PDE8B: variants seen among roughly 807,000 people sequenced by gnomAD.
PDE8B encodes the protein high affinity cAMP-specific and IBMX-insensitive 3',5'-cyclic phosphodiesterase 8B.
PDE8B carries 26 observed loss-of-function variants against 101.3 expected under a neutral mutation model. The observed-to-expected ratio is 0.26, with a 90% CI of 0.19 to 0.36. The LOEUF (loss-of-function observed/expected upper bound fraction) is 0.36, where lower values mean the gene tolerates loss of function less well. Ranked by LOEUF, PDE8B falls within the 10% of genes least tolerant of loss-of-function variation. The probability of loss-of-function intolerance (pLI) is 1.00; values close to 1 mark genes in which losing one functional copy is unlikely to be tolerated. For missense variants in PDE8B, 810 were observed against 1,163.1 expected, an observed-to-expected ratio of 0.70 and a Z score of 4.42; for synonymous variants, 424 against 429.3, an observed-to-expected ratio of 0.99 and a Z score of 0.15.
At chr5:77,343,024 G>A (rs1779494515) in intron 6 of PDE8B, among the ~76,000 whole-genome samples, 1 of 152,224 alleles carries the variant, frequency 6.6e-6, no homozygotes, top group Admixed American at 6.5e-5. Context: ...TGAAACAGAA[G>A]AACGTCATTG....
chr5:77,292,013 C>A (rs1244934450), intron 1 of PDE8B, among the ~76,000 whole-genome samples: 4 of 149,932 alleles, frequency 2.7e-5, no homozygotes, highest in East Asian at 2.0e-4. Flanking sequence ...AAAAAAAAAA[C>A]CATTTACCAC....
At chr5:77,338,668 G>A (rs953699285) in intron 6 of PDE8B, among the ~76,000 whole-genome samples, 4 of 152,020 alleles carry the variant, frequency 2.6e-5, no homozygotes, top group Admixed American at 6.6e-5. Context: ...TAGATTAATT[G>A]TTATTATTCC....
chr5:77,220,234 G>A (rs1413246964), intron 1 of PDE8B, among the ~76,000 whole-genome samples: 1 of 152,146 alleles, frequency 6.6e-6, no homozygotes, highest in Non-Finnish European at 1.5e-5. Context: ...GCAGTGATCT[G>A]GCCCATTAGG....
At chr5:77,381,404 C>A (rs893513931) in intron 10 of PDE8B, among the ~76,000 whole-genome samples, 1 of 152,090 alleles carries the variant, frequency 6.6e-6, no homozygotes, top group African/African-American at 2.4e-5. Flanking sequence ...ACTGATATAT[C>A]TGGTGATTTA....
chr5:77,224,799 ATTTG>A (rs1181445458), intron 1 of PDE8B, among the ~76,000 whole-genome samples: 1 of 151,856 alleles, frequency 6.6e-6, no homozygotes, highest in Non-Finnish European at 1.5e-5. Flanking sequence ...TTCTCTTACA[ATTTG>A]TTTGTTGAAG....
Position 77,398,318 on chromosome 5 carries a change from C to CT in PDE8B, c.1168-1909dup, listed in dbSNP as rs70988672. Among the ~76,000 whole-genome samples the CT allele has an allele frequency of 6.1e-3, 712 of 115,958 alleles. 8 individuals carry two copies. Among genetic ancestry groups the CT allele is most frequent in the Admixed American group, 0.023 (242 of 10,550 alleles). 76.1% of individuals were successfully genotyped at this position (115,958 alleles called of 152,430 possible). On this transcript the variant is annotated intron_variant, in intron 10 of 21. Transcript: ENST00000264917. ...TGTAATTCCTAATCAAGCTGTTTTA[C>CT]TTTTTTTTTTTTTTTTTTTTTGAAA...
At chr5:77,191,138 C>G in the PDE8B span, among the ~76,000 whole-genome samples, 2 of 152,126 alleles carry the variant, frequency 1.3e-5, no homozygotes, top group African/African-American at 2.4e-5. Flanking sequence ...CCTCTTCCCA[C>G]AAGGATACTG....
At chr5:77,425,451 G>A (rs1279718560) in intron 20 of PDE8B, among the ~76,000 whole-genome samples, 3 of 152,166 alleles carry the variant, frequency 2.0e-5, no homozygotes, top group African/African-American at 4.8e-5. Context: ...TACTCAGGAG[G>A]CTGAGGCAGA....
At chr5:77,320,492 C>T (rs147830737) in intron 2 of PDE8B, among the ~76,000 whole-genome samples, 8 of 152,216 alleles carry the variant, frequency 5.3e-5, no homozygotes, top group African/African-American at 1.9e-4. Context: ...TGCTTGTTCT[C>T]CTGTGCTTGG....
chr5:77,116,488 C>T, the PDE8B span, among the ~76,000 whole-genome samples: 2 of 152,050 alleles, frequency 1.3e-5, no homozygotes, highest in African/African-American at 2.4e-5. Flanking sequence ...GTGATGCGCC[C>T]GCCTTGACCT....
intron 18 of PDE8B, among the ~76,000 whole-genome samples, chr5:77,418,699 C>CT (rs1424207288): frequency 1.3e-5 from 2 of 152,290 alleles, no homozygotes; most frequent in East Asian, 1.9e-4. Flanking sequence ...TGTACTATTA[C>CT]TAAGTACACC....
At chr5:77,188,925 G>T in the PDE8B span, among the ~76,000 whole-genome samples, 1 of 152,176 alleles carries the variant, frequency 6.6e-6, no homozygotes, top group Non-Finnish European at 1.5e-5. Flanking sequence ...GGGAGAAGAG[G>T]CTGGGGACCA....
the PDE8B span, among the ~76,000 whole-genome samples, chr5:77,189,685 G>A: frequency 6.6e-6 from 1 of 152,214 alleles, no homozygotes; most frequent in Non-Finnish European, 1.5e-5. Context: ...AAGTGAGCAG[G>A]AGGGGCAGCA....
intron 1 of PDE8B, among the ~76,000 whole-genome samples, chr5:77,305,858 T>C (rs764413606): frequency 2.0e-5 from 3 of 152,146 alleles, no homozygotes; most frequent in Non-Finnish European, 4.4e-5. Flanking sequence ...GTCTTTTCAG[T>C]GTGAAATGAT....
At chr5:77,221,790 A>G (rs1178655940) in intron 1 of PDE8B, among the ~76,000 whole-genome samples, 1 of 152,194 alleles carries the variant, frequency 6.6e-6, no homozygotes, top group Non-Finnish European at 1.5e-5. Flanking sequence ...CATTGCAGTT[A>G]TTAAACCTAT....
At chr5:77,194,363 C>T in the PDE8B span, among the ~76,000 whole-genome samples, 2 of 152,128 alleles carry the variant, frequency 1.3e-5, no homozygotes, top group African/African-American at 2.4e-5. Flanking sequence ...TTACACCTAT[C>T]GAAATGATGT....
At chr5:77,205,563 CT>C (rs753397293), upstream of PDE8B, among the ~76,000 whole-genome samples, 18 of 151,892 alleles carry the variant, frequency 1.2e-4, no homozygotes, top group Non-Finnish European at 2.5e-4. Flanking sequence ...CTTTTACCTT[CT>C]GTCCAAAGGA....
chr5:77,280,438 A>G (rs78110371), intron 1 of PDE8B, among the ~76,000 whole-genome samples: 2,837 of 152,340 alleles, frequency 0.019, 91 homozygotes, highest in African/African-American at 0.065. Flanking sequence ...ATTTCTGGAA[A>G]AATAGTTTTT....
the PDE8B span, among the ~76,000 whole-genome samples, chr5:77,198,525 T>G: frequency 6.6e-6 from 1 of 152,230 alleles, no homozygotes; most frequent in Admixed American, 6.5e-5. Flanking sequence ...GAAACCACTG[T>G]GCTCTGCCTT....
Sources: gnomAD v4.1 joint callset for allele counts (sites outside exome capture counted in the v4.1 genomes callset) on GRCh38, gnomAD v4.1.1 for gene constraint, MANE v1.5 for transcripts, NCBI Gene and HGNC (gene_info 2026-07-23, HGNC 2026-07-21) for gene names.